R3HDM1: variants seen among roughly 807,000 people sequenced by gnomAD.
R3HDM1 encodes R3H domain containing 1, also known as R3H domain-containing protein 1.
A neutral mutation model predicts 141.1 loss-of-function variants in R3HDM1; 46 were observed. The ratio of observed to expected loss-of-function variants is 0.33; its 90% confidence interval spans 0.26 to 0.42. The LOEUF (loss-of-function observed/expected upper bound fraction) is 0.42. R3HDM1 is among the 10% of genes least tolerant of loss of function. R3HDM1 has a pLI of 1.00. For synonymous variants in R3HDM1, 435 were observed against 472.9 expected (o/e 0.92, Z 1.04); for missense variants, 1,184 against 1,368.3 (o/e 0.87, Z 2.12).
intron 17 of R3HDM1, 104 bp from the exon 18 acceptor site, chr2:135,651,626 A>G (rs2065161471): frequency 5.0e-6 from 7 of 1,407,146 alleles, no homozygotes; most frequent in Non-Finnish European, 6.5e-6. Context: ...TAATTTCCAT[A>G]ATGTGTACTA....
intron 21 of R3HDM1, among the ~76,000 whole-genome samples, chr2:135,709,131 T>C (rs1463515539): frequency 6.6e-6 from 1 of 151,932 alleles, no homozygotes; most frequent in Non-Finnish European, 1.5e-5. Flanking sequence ...TGGAGTGCAG[T>C]GGCGCAATCT....
intron 18 of R3HDM1, among the ~76,000 whole-genome samples, chr2:135,660,410 A>G (rs930124714): frequency 3.3e-5 from 5 of 152,198 alleles, no homozygotes; most frequent in Admixed American, 3.3e-4. Context: ...TGCATGATGT[A>G]AAGTTTTGAC....
intron 19 of R3HDM1, among the ~76,000 whole-genome samples, chr2:135,663,242 A>G (rs2066991908): frequency 6.6e-6 from 1 of 152,044 alleles, no homozygotes; most frequent in Non-Finnish European, 1.5e-5. Flanking sequence ...ATCATTGGTC[A>G]TATTTTTAAC....
chr2:135,670,578 T>C (rs932924423), intron 19 of R3HDM1: 6 of 240,832 alleles, frequency 2.5e-5, no homozygotes, highest in East Asian at 1.8e-4. Context: ...AAAATGAATA[T>C]ATATGTTGCC....
Position 135,709,460 on chromosome 2 carries a change from A to T in R3HDM1, c.2487A>T (p.Pro829=). ...CTTCAGTAGGTTACCTGCAACATCC[A>T]GGATCAGAACAAGTACAATTTCCTC... The part of the protein sequence containing the change: ...LSSSVGYLQH[P]GSEQVQFPRT... Residue 829 remains proline (P), a synonymous_variant, in exon 22 of 27, where the codon CCA becomes CCT. Coordinates refer to ENST00000683871, the MANE Select transcript of R3HDM1 (RefSeq NM_001378107.1). The T allele has an allele frequency of 1.2e-6, 2 of 1,614,170 alleles. No homozygotes were observed. The highest frequency in any genetic ancestry group is 1.7e-6 in the Non-Finnish European group (2 of 1,180,020).
At chr2:135,611,835 T>C (rs1364135501) in intron 3 of R3HDM1, among the ~76,000 whole-genome samples, 2 of 152,246 alleles carry the variant, frequency 1.3e-5, no homozygotes, top group African/African-American at 4.8e-5. Flanking sequence ...TTGTGCTGCG[T>C]AAAGATGTTG....
At chr2:135,595,992 G>A (rs2059141809) in intron 1 of R3HDM1, among the ~76,000 whole-genome samples, 1 of 152,020 alleles carries the variant, frequency 6.6e-6, no homozygotes, top group Admixed American at 6.5e-5. Context: ...TCAGTACTAA[G>A]TTTCTTCTTT....
intron 18 of R3HDM1, among the ~76,000 whole-genome samples, chr2:135,657,226 A>G (rs930947911): frequency 6.6e-6 from 1 of 151,960 alleles, no homozygotes; most frequent in Non-Finnish European, 1.5e-5. Context: ...AACATGGTGA[A>G]ATCCCATCTC....
intron 21 of R3HDM1, among the ~76,000 whole-genome samples, chr2:135,701,995 C>A (rs7578807): frequency 0.97 from 147,765 of 152,232 alleles, 71,852 homozygotes; most frequent in Middle Eastern, 1. Context: ...TAGTGTATTT[C>A]CAAATGTGTG....
intron 26 of R3HDM1, among the ~76,000 whole-genome samples, chr2:135,723,663 G>C (rs2076914113): frequency 6.7e-6 from 1 of 150,246 alleles, no homozygotes; most frequent in Admixed American, 6.7e-5. Flanking sequence ...TGTAATCCCA[G>C]CTACTTGGGA....
At chr2:135,599,054 A>G (rs2059414823) in intron 1 of R3HDM1, among the ~76,000 whole-genome samples, 1 of 152,190 alleles carries the variant, frequency 6.6e-6, no homozygotes, top group South Asian at 2.1e-4. Context: ...AAAATTATAA[A>G]AAGATTTCCT....
At position 135,651,661 on chromosome 2, in the gene R3HDM1, G is replaced by T. The variant is rs2065163906; in HGVS notation, c.1726-69G>T. The T allele has an allele frequency of 2.5e-5, 37 of 1,496,486 alleles. 2 individuals are homozygous for T. The South Asian group carries it at 5.3e-4, about 21-fold the overall frequency. The allele number at this position is 1,496,486 out of a possible 1,614,324, so 92.7% of individuals were successfully genotyped here. ...ATTGCATCTTATTTAAAAATAGGAA[G>T]TATTTTTCTTTGATAAGTTTGGCCT... On this transcript the variant is annotated intron_variant, in intron 17 of 26. Coordinates refer to ENST00000683871, the MANE Select transcript of R3HDM1 (RefSeq NM_001378107.1).
intron 21 of R3HDM1, among the ~76,000 whole-genome samples, chr2:135,700,809 T>C (rs1339919129): frequency 1.3e-5 from 2 of 152,242 alleles, no homozygotes; most frequent in East Asian, 3.8e-4. Context: ...TTAATTTTCC[T>C]AAGTCTCGAC....
intron 9 of R3HDM1, among the ~76,000 whole-genome samples, chr2:135,633,290 A>G (rs1391434842): frequency 6.6e-6 from 1 of 152,238 alleles, no homozygotes; most frequent in East Asian, 1.9e-4. Context: ...AGAGGTGAAT[A>G]GAACTGTTAA....
At chr2:135,552,768 GTTGTTAGAAAT>G (rs1002601515) in intron 1 of R3HDM1, among the ~76,000 whole-genome samples, 13 of 152,300 alleles carry the variant, frequency 8.5e-5, no homozygotes, top group African/African-American at 3.1e-4. Context: ...AAAAAGTAGA[GTTGTTAGAAAT>G]TTGTAATTTC....
chr2:135,645,408 C>T lies in R3HDM1; in HGVS notation c.1504C>T (p.Pro502Ser). Reference protein sequence around the residue: ...GQPFINPDGSPVVYNPPMTQQ... With the variant: ...GQPFINPDGSSVVYNPPMTQQ... Reference sequence around the variant, plus strand: ...GCCCTTCATAAACCCAGATGGGAGTCCAGTTGTGTATAATCCTCCTATGAC... The same window carrying T: ...GCCCTTCATAAACCCAGATGGGAGTTCAGTTGTGTATAATCCTCCTATGAC... The change falls in exon 16 of 27, where the codon CCA (proline) becomes TCA (serine). Residue 502 changes from proline (P) to serine (S), a missense_variant. Around this residue, in one of 5 missense-constraint regions of R3HDM1, gnomAD observed 563 missense variants for 562.0 expected, o/e 1.00. Coordinates refer to ENST00000683871, the MANE Select transcript of R3HDM1 (RefSeq NM_001378107.1). The T allele has an allele frequency of 6.2e-7, 1 of 1,612,004 alleles. No homozygotes were observed. Among genetic ancestry groups the T allele is most frequent in the African/African-American group, 1.3e-5 (1 of 74,952 alleles).
intron 2 of R3HDM1, 140 bp from the exon 3 acceptor site, chr2:135,604,666 A>T (rs181472913): frequency 3.4e-5 from 20 of 594,726 alleles, no homozygotes; most frequent in African/African-American, 3.2e-4. Context: ...CTAGCACAAA[A>T]TTATATACTC....
intron 21 of R3HDM1, among the ~76,000 whole-genome samples, chr2:135,697,719 G>A (rs2073473444): frequency 6.6e-6 from 1 of 152,032 alleles, no homozygotes; most frequent in African/African-American, 2.4e-5. Context: ...GTTCTTTTGG[G>A]ATACATATAT....
At chr2:135,608,956 T>G (rs2060301507) in intron 3 of R3HDM1, among the ~76,000 whole-genome samples, 1 of 152,224 alleles carries the variant, frequency 6.6e-6, no homozygotes, top group African/African-American at 2.4e-5. Flanking sequence ...TGCATTCATT[T>G]TATTCATTTA....
Sources: gnomAD v4.1 joint callset for allele counts (sites outside exome capture counted in the v4.1 genomes callset) on GRCh38, gnomAD v4.1.1 for gene constraint, gnomAD v4.1.1 regional missense constraint, MANE v1.5 for transcripts, NCBI Gene and HGNC (gene_info 2026-07-23, HGNC 2026-07-21) for gene names.